Variants in RIMS1 observed in about 807,000 individuals in gnomAD.
RIMS1 encodes regulating synaptic membrane exocytosis 1, also known as regulating synaptic membrane exocytosis protein 1.
RIMS1 carries 83 observed loss-of-function variants against 214.1 expected under a neutral mutation model. The ratio of observed to expected loss-of-function variants is 0.39; its 90% CI spans 0.32 to 0.47. The LOEUF (loss-of-function observed/expected upper bound fraction) is 0.47. Ranked by LOEUF, RIMS1 falls within the 20% of genes least tolerant of loss-of-function variation. The pLI is 0.99. For synonymous variants in RIMS1, 793 were observed against 786.8 expected, an observed-to-expected ratio of 1.01 and a Z score of -0.13; for missense variants, 2,050 against 2,161.8, an observed-to-expected ratio of 0.95 and a Z score of 1.03.
chr6:72,290,899 C>T, intron 25 of RIMS1, 38 bp downstream of exon 25: 1 of 1,595,206 alleles, frequency 6.3e-7, no homozygotes, highest in Non-Finnish European at 8.6e-7. Context: ...TCATGTCCTG[C>T]CTCCGGGTGT....
intron 1 of RIMS1, among the ~76,000 whole-genome samples, chr6:71,936,682 T>C (rs1784561708): frequency 6.6e-6 from 1 of 152,220 alleles, no homozygotes; most frequent in Non-Finnish European, 1.5e-5. Context: ...ATCTGGTAGA[T>C]GAGAGGAGTC....
At chr6:72,227,497 A>G (rs1394682683) in intron 6 of RIMS1, among the ~76,000 whole-genome samples, 1 of 151,892 alleles carries the variant, frequency 6.6e-6, no homozygotes, top group Non-Finnish European at 1.5e-5. Flanking sequence ...TGAGTTCCAT[A>G]TAACTGCTTT....
intron 23 of RIMS1, among the ~76,000 whole-genome samples, chr6:72,278,191 CTATCTATA>C (rs1563454251): frequency 6.8e-6 from 1 of 148,076 alleles, no homozygotes; most frequent in African/African-American, 2.5e-5. Flanking sequence ...ATCTATCTAT[CTATCTATA>C]TATGATTTTT....
At chr6:72,362,219 T>C (rs551411405) in intron 29 of RIMS1, among the ~76,000 whole-genome samples, 18 of 152,270 alleles carry the variant, frequency 1.2e-4, no homozygotes, top group African/African-American at 3.4e-4. Flanking sequence ...ACTAAACATA[T>C]TGTTTTCTTA....
At chr6:71,909,249 G>A (rs982943061) in intron 1 of RIMS1, among the ~76,000 whole-genome samples, 3 of 152,074 alleles carry the variant, frequency 2.0e-5, no homozygotes, top group East Asian at 1.9e-4. Flanking sequence ...CACCTGCCTC[G>A]GCCTTCCAAA....
chr6:72,182,311 G>C lies in RIMS1; in HGVS notation c.840G>C (p.Gln280His). 1.2e-6 allele frequency: 2 copies of C among 1,603,830 alleles called. No homozygotes were observed. Among genetic ancestry groups the C allele is most frequent in the Non-Finnish European group, 1.7e-6 (2 of 1,175,318 alleles). The change falls in exon 6 of 34, where the codon CAG (glutamine) becomes CAC (histidine). Residue 280 changes from glutamine to histidine, a missense_variant. Gln to His is a conservative substitution (Grantham distance 24). Around this residue, in one of 6 missense-constraint regions of RIMS1, gnomAD observed 882 missense variants for 828.9 expected, o/e 1.06. Coordinates refer to ENST00000521978, the MANE Select transcript of RIMS1 (RefSeq NM_014989.7). The part of the protein sequence containing the change: ...ERKKTPGLSE[Q>H]NGKGALKSER... Reference sequence around the variant, plus strand: ...AGAAGACCCCAGGGCTTTCCGAGCAGAATGGCAAAGGAGCCCTGAAGAGCG... The same window carrying C: ...AGAAGACCCCAGGGCTTTCCGAGCACAATGGCAAAGGAGCCCTGAAGAGCG...
intron 4 of RIMS1, among the ~76,000 whole-genome samples, chr6:72,162,231 A>G (rs149997658): frequency 0.015 from 2,033 of 138,956 alleles, 416 homozygotes; most frequent in Non-Finnish European, 0.024. Context: ...TTTGTTTTCC[A>G]TTTGCTTGGT....
At chr6:72,236,744 A>ACT (rs2064230047) in intron 8 of RIMS1, among the ~76,000 whole-genome samples, 1 of 150,846 alleles carries the variant, frequency 6.6e-6, no homozygotes, top group Admixed American at 6.6e-5. Context: ...GTCTTGGGTC[A>ACT]CACTTAAAGT....
chr6:71,902,612 A>G (rs911624909), intron 1 of RIMS1, among the ~76,000 whole-genome samples: 2 of 151,904 alleles, frequency 1.3e-5, no homozygotes, highest in Non-Finnish European at 2.9e-5. Flanking sequence ...GGTTTGCTGC[A>G]CTCAGATCAA....
At chr6:71,982,215 T>G (rs1018421731) in intron 2 of RIMS1, among the ~76,000 whole-genome samples, 1 of 152,170 alleles carries the variant, frequency 6.6e-6, no homozygotes, top group Non-Finnish European at 1.5e-5. Flanking sequence ...GTTAAAATAC[T>G]TGGACTGGTT....
chr6:71,990,135 T>A (rs994632845), intron 2 of RIMS1, among the ~76,000 whole-genome samples: 3 of 152,202 alleles, frequency 2.0e-5, no homozygotes, highest in African/African-American at 7.2e-5. Flanking sequence ...TTTTATGTAG[T>A]TATATATTTA....
intron 19 of RIMS1, chr6:72,261,515 A>T (rs4706505): frequency 0.63 from 590,061 of 929,336 alleles, 189,850 homozygotes; most frequent in East Asian, 0.98. Context: ...CAGATTACTC[A>T]TGGAACATAT....
At chr6:72,083,229 T>C (rs934649114) in intron 2 of RIMS1, among the ~76,000 whole-genome samples, 18 of 152,316 alleles carry the variant, frequency 1.2e-4, no homozygotes, top group African/African-American at 4.3e-4. Context: ...TTTCAGAGCA[T>C]TGGAAATATT....
rs55766327 is a variant in RIMS1 at position 72,274,086 on chromosome 6, A to G, written c.3399-263A>G. On this transcript the variant is annotated intron_variant, in intron 22 of 33. Coordinates refer to ENST00000521978, the MANE Select transcript of RIMS1 (RefSeq NM_014989.7). Reference sequence around the variant, plus strand: ...TAGAAGCACATTTTGGAAGAAAAAAACTACACTTAATAGGCGGATTCCAAA... The same window carrying G: ...TAGAAGCACATTTTGGAAGAAAAAAGCTACACTTAATAGGCGGATTCCAAA... Among the ~76,000 whole-genome samples the G allele has an allele frequency of 3.2e-3, 481 of 152,310 alleles. 2 individuals are homozygous for G. The highest frequency in any genetic ancestry group is 0.01 in the African/African-American group (435 of 41,558).
intron 4 of RIMS1, among the ~76,000 whole-genome samples, chr6:72,175,988 A>G (rs2047648989): frequency 6.6e-6 from 1 of 152,218 alleles, no homozygotes. Flanking sequence ...AAATGCAGTT[A>G]CAGCAAAAGG....
chr6:72,162,258 C>T lies in RIMS1; in HGVS notation c.472-17317C>T, dbSNP rs1023285461. ...TTGCTTGGTATTTCTTCCTTCATCC[C>T]TTTATTTTGAGGCTATGTGTGTCTC... On this transcript the variant is annotated intron_variant, in intron 4 of 33. Coordinates refer to ENST00000521978, the MANE Select transcript of RIMS1 (RefSeq NM_014989.7). Among the ~76,000 whole-genome samples the T allele has an allele frequency of 1.7e-4, 24 of 140,254 alleles. 2 individuals carry two copies. Among genetic ancestry groups the T allele is most frequent in the Non-Finnish European group, 3.2e-4 (20 of 61,808 alleles). 92.0% of individuals were successfully genotyped at this position (140,254 alleles called of 152,430 possible).
chr6:71,916,424 G>T (rs1778447514), intron 1 of RIMS1, among the ~76,000 whole-genome samples: 1 of 152,094 alleles, frequency 6.6e-6, no homozygotes, highest in Non-Finnish European at 1.5e-5. Context: ...CTACGAAGCG[G>T]TAATAAAATT....
intron 2 of RIMS1, among the ~76,000 whole-genome samples, chr6:72,038,035 C>T (rs1345387717): frequency 7.3e-6 from 1 of 136,106 alleles, no homozygotes; most frequent in African/African-American, 2.8e-5. Flanking sequence ...ATCCCAGCCT[C>T]TTTGGAGGTA....
At chr6:72,324,564 G>C (rs1310729406) in intron 28 of RIMS1, among the ~76,000 whole-genome samples, 3 of 151,940 alleles carry the variant, frequency 2.0e-5, no homozygotes, top group South Asian at 2.1e-4. Context: ...AACTACATCT[G>C]TATCAATAAT....
Sources: allele counts gnomAD v4.1 joint callset (sites outside exome capture counted in the v4.1 genomes callset), GRCh38; gene constraint gnomAD v4.1.1; regional missense constraint gnomAD v4.1.1; transcripts MANE v1.5; gene names NCBI Gene and HGNC (gene_info 2026-07-23, HGNC 2026-07-21).